The following CTNNA2 variants were observed in gnomAD, a reference collection of about 807,000 sequenced individuals.
The protein encoded by CTNNA2 is catenin alpha 2.
In CTNNA2, 42 loss-of-function variants were observed where a neutral mutation model predicts 101.0. The observed-to-expected ratio is 0.42, with a 90% CI of 0.32 to 0.54. The LOEUF (loss-of-function observed/expected upper bound fraction) is 0.54, where lower values mean the gene tolerates loss of function less well. Among genes scored for constraint, CTNNA2 ranks in the 20% least tolerant of loss-of-function variants. CTNNA2 has a pLI of 0.14. For missense variants in CTNNA2, 871 were observed against 1,223.1 expected, an observed-to-expected ratio of 0.71 and a Z score of 4.29; for synonymous variants, 450 against 456.4, an observed-to-expected ratio of 0.99 and a Z score of 0.18.
chr2:79,274,746 T>C (rs1301771792), intron 2 of CTNNA2, among the ~76,000 whole-genome samples: 1 of 152,074 alleles, frequency 6.6e-6, no homozygotes, highest in Non-Finnish European at 1.5e-5. Context: ...TTTTCTATTA[T>C]ATAGATTTAA....
chr2:79,997,533 G>A (rs1692643435), intron 7 of CTNNA2, among the ~76,000 whole-genome samples: 1 of 152,076 alleles, frequency 6.6e-6, no homozygotes. Context: ...GCCCTCCAGT[G>A]CCCCAGCAGT....
intron 4 of CTNNA2, among the ~76,000 whole-genome samples, chr2:79,867,198 G>A (rs778813053): frequency 1.3e-5 from 2 of 152,062 alleles, no homozygotes; most frequent in South Asian, 2.1e-4. Flanking sequence ...TGCCCAGAAA[G>A]GACAAAAGAT....
intron 7 of CTNNA2, among the ~76,000 whole-genome samples, chr2:80,177,843 C>A (rs1442356163): frequency 6.6e-6 from 1 of 152,290 alleles, no homozygotes; most frequent in East Asian, 1.9e-4. Flanking sequence ...TTGGCTATAG[C>A]CCATGAATGA....
intron 7 of CTNNA2, among the ~76,000 whole-genome samples, chr2:79,983,148 A>T (rs1028303478): frequency 4.0e-5 from 6 of 149,230 alleles, no homozygotes; most frequent in African/African-American, 1.5e-4. Context: ...ATATATATAT[A>T]TTTTGTATAT....
At chr2:80,406,443 T>C (rs575561799) in intron 8 of CTNNA2, among the ~76,000 whole-genome samples, 37 of 152,206 alleles carry the variant, frequency 2.4e-4, no homozygotes, top group African/African-American at 8.9e-4. Flanking sequence ...TAATGGACTC[T>C]GAGCAGACTT....
In CTNNA2 at chr2:79,945,500, C is replaced by A. The variant is rs371943676; in HGVS notation, c.1056+35703C>A. 1.5e-4 allele frequency among the ~76,000 whole-genome samples: 23 copies of A among 152,228 alleles called. No homozygotes were observed. The East Asian group carries it at 4.1e-3, about 27-fold the overall frequency. ...TAAATATTTCCATTATTTTTCTATG[C>A]AAAGGTTTTAATATTCTTTTCCTAC... On this transcript the variant is annotated intron_variant, in intron 7 of 18. Coordinates refer to ENST00000402739, the MANE Select transcript of CTNNA2 (RefSeq NM_001282597.3).
intron 7 of CTNNA2, among the ~76,000 whole-genome samples, chr2:80,095,209 G>A (rs1190860864): frequency 7.9e-5 from 12 of 151,764 alleles, no homozygotes; most frequent in South Asian, 4.2e-4. Flanking sequence ...AGTTTTTGGC[G>A]TGAAGGTTGT....
intron 3 of CTNNA2, among the ~76,000 whole-genome samples, chr2:79,750,832 A>C (rs1274657833): frequency 6.6e-6 from 1 of 151,616 alleles, no homozygotes. Context: ...AGATCTTGCC[A>C]CTGCACTCCA....
chr2:80,313,235 C>T, intron 7 of CTNNA2: 3 of 357,882 alleles, frequency 8.4e-6, no homozygotes, highest in Non-Finnish European at 1.3e-5. Context: ...TAGTTAGATG[C>T]ATTTATCTCT....
intron 2 of CTNNA2, among the ~76,000 whole-genome samples, chr2:79,708,214 C>G (rs1312965812): frequency 3.9e-5 from 6 of 152,148 alleles, no homozygotes; most frequent in African/African-American, 1.4e-4. Context: ...TTCACTCTTG[C>G]CCCAGTAGTT....
chr2:80,634,725 C>T (rs573791922), intron 18 of CTNNA2, among the ~76,000 whole-genome samples: 27 of 151,884 alleles, frequency 1.8e-4, no homozygotes, highest in Non-Finnish European at 3.4e-4. Flanking sequence ...AGAAGTTGGC[C>T]AAGTGGATAA....
At chr2:79,963,418 T>C (rs1689803558) in intron 7 of CTNNA2, among the ~76,000 whole-genome samples, 1 of 152,202 alleles carries the variant, frequency 6.6e-6, no homozygotes, top group South Asian at 2.1e-4. Flanking sequence ...ACAAATACGA[T>C]GTATACATCC....
At chr2:79,612,802 A>AT (rs1259272085) in intron 1 of CTNNA2, among the ~76,000 whole-genome samples, 1 of 152,148 alleles carries the variant, frequency 6.6e-6, no homozygotes, top group Non-Finnish European at 1.5e-5. Flanking sequence ...AAAACCTGGC[A>AT]TTGCTTACCT....
intron 7 of CTNNA2, among the ~76,000 whole-genome samples, chr2:79,967,295 C>T (rs1439331642): frequency 6.6e-6 from 1 of 152,128 alleles, no homozygotes; most frequent in African/African-American, 2.4e-5. Flanking sequence ...CACCGCTGAT[C>T]ATCCAGGCGT....
chr2:80,441,784 C>T (rs1682606407), intron 9 of CTNNA2, among the ~76,000 whole-genome samples: 1 of 152,100 alleles, frequency 6.6e-6, no homozygotes, highest in Non-Finnish European at 1.5e-5. Context: ...ATAAGTTGAG[C>T]CCAAAGATTA....
chr2:79,467,037 T>C (rs1670945013), intron 4 of CTNNA2, among the ~76,000 whole-genome samples: 1 of 152,160 alleles, frequency 6.6e-6, no homozygotes. Flanking sequence ...GAATGACCTT[T>C]AAGAGTTGAG....
At chr2:79,242,642 G>A (rs1674641454) in intron 2 of CTNNA2, among the ~76,000 whole-genome samples, 1 of 152,034 alleles carries the variant, frequency 6.6e-6, no homozygotes, top group Admixed American at 6.5e-5. Context: ...TTCCACGAAG[G>A]TATTGGAGAG....
At chr2:79,961,817 G>A (rs1460627044) in intron 7 of CTNNA2, among the ~76,000 whole-genome samples, 125 of 87,866 alleles carry the variant, frequency 1.4e-3, no homozygotes, top group Admixed American at 3.1e-3. Context: ...GCGAGACTCC[G>A]TCTCAAAAAA....
At chr2:80,130,327 G>C (rs971096660) in intron 7 of CTNNA2, among the ~76,000 whole-genome samples, 4 of 152,146 alleles carry the variant, frequency 2.6e-5, no homozygotes, top group South Asian at 4.1e-4. Flanking sequence ...AGGCTTTACT[G>C]TTTCTCTAAA....
Sources: allele counts gnomAD v4.1 joint callset (sites outside exome capture counted in the v4.1 genomes callset), GRCh38; gene constraint gnomAD v4.1.1; transcripts MANE v1.5; gene names NCBI Gene and HGNC (gene_info 2026-07-23, HGNC 2026-07-21).